FIGN: variants seen among roughly 807,000 people sequenced by gnomAD.
The protein encoded by FIGN is fidgetin.
In FIGN, 11 loss-of-function variants were observed where a neutral mutation model predicts 51.3. The observed-to-expected ratio is 0.21, with a 90% CI of 0.13 to 0.35. The LOEUF (loss-of-function observed/expected upper bound fraction) is 0.35. FIGN is among the 10% of genes least tolerant of loss of function. The pLI is 1.00. For synonymous variants in FIGN, 407 were observed against 363.2 expected (o/e 1.12, Z -1.37); for missense variants, 857 against 943.6 (o/e 0.91, Z 1.20).
At chr2:163,724,425 A>G (rs890044829) in intron 2 of FIGN, among the ~76,000 whole-genome samples, 1 of 152,120 alleles carries the variant, frequency 6.6e-6, no homozygotes, top group Non-Finnish European at 1.5e-5. Context: ...GATATATATA[A>G]ATGTTTGGTT....
At chr2:163,708,425 C>T (rs1358731874) in intron 2 of FIGN, among the ~76,000 whole-genome samples, 7 of 152,082 alleles carry the variant, frequency 4.6e-5, no homozygotes, top group East Asian at 3.9e-4. Context: ...CAAGCACTAA[C>T]GGAGGAGGTC....
intron 2 of FIGN, among the ~76,000 whole-genome samples, chr2:163,633,542 T>C (rs1683180338): frequency 6.6e-6 from 1 of 152,198 alleles, no homozygotes; most frequent in African/African-American, 2.4e-5. Flanking sequence ...TTCAGGGATA[T>C]TGCTGCCTAG....
intron 2 of FIGN, among the ~76,000 whole-genome samples, chr2:163,711,204 T>C (rs1684583389): frequency 6.6e-6 from 1 of 152,182 alleles, no homozygotes; most frequent in African/African-American, 2.4e-5. Context: ...TCTAATTGTG[T>C]TTAATACAGT....
intron 2 of FIGN, among the ~76,000 whole-genome samples, chr2:163,732,585 A>C (rs752795232): frequency 5.9e-4 from 90 of 152,350 alleles, no homozygotes; most frequent in Admixed American, 2.2e-3. Flanking sequence ...GTATATTCTA[A>C]CAATCATCAA....
chr2:163,627,618 A>G (rs745999034), intron 2 of FIGN, among the ~76,000 whole-genome samples: 8 of 152,140 alleles, frequency 5.3e-5, no homozygotes, highest in Non-Finnish European at 1.0e-4. Context: ...CTCAAAATGA[A>G]TTAGAGCTTA....
intron 2 of FIGN, among the ~76,000 whole-genome samples, chr2:163,717,886 T>C (rs761135736): frequency 1.3e-5 from 2 of 152,148 alleles, no homozygotes; most frequent in Non-Finnish European, 2.9e-5. Flanking sequence ...TTTCTTGAAA[T>C]GTAAATGAAT....
At chr2:163,692,226 A>C (rs1684249693) in intron 2 of FIGN, among the ~76,000 whole-genome samples, 1 of 152,190 alleles carries the variant, frequency 6.6e-6, no homozygotes, top group South Asian at 2.1e-4. Flanking sequence ...ACATAGGAAC[A>C]TGATTCAGTA....
chr2:163,686,457 T>C (rs1166182495), intron 2 of FIGN, among the ~76,000 whole-genome samples: 3 of 152,184 alleles, frequency 2.0e-5, no homozygotes, highest in African/African-American at 7.2e-5. Flanking sequence ...AAAGTGGTAC[T>C]TTGATGAGCA....
chr2:163,612,490 C>G (rs1483383667), intron 2 of FIGN: 2 of 985,174 alleles, frequency 2.0e-6, no homozygotes, highest in Non-Finnish European at 2.4e-6. Context: ...AGCAATCTCC[C>G]AGGCAGCGCT....
At chr2:163,697,830 G>A (rs1426014572) in intron 2 of FIGN, among the ~76,000 whole-genome samples, 1 of 152,136 alleles carries the variant, frequency 6.6e-6, no homozygotes, top group Non-Finnish European at 1.5e-5. Context: ...TATACCATAG[G>A]TAAAGCACAT....
intron 2 of FIGN, among the ~76,000 whole-genome samples, chr2:163,726,152 A>AT (rs1684835158): frequency 6.6e-6 from 1 of 152,082 alleles, no homozygotes; most frequent in Admixed American, 6.6e-5. Context: ...AGCTGGTAAT[A>AT]TTTTTTCCTT....
chr2:163,616,641 T>C (rs984500396), intron 2 of FIGN, among the ~76,000 whole-genome samples: 11 of 152,138 alleles, frequency 7.2e-5, no homozygotes, highest in Admixed American at 4.6e-4. Flanking sequence ...ATGACAACAT[T>C]ACTACACCTA....
chr2:163,730,785 T>C (rs772618107), intron 2 of FIGN, among the ~76,000 whole-genome samples: 1 of 152,204 alleles, frequency 6.6e-6, no homozygotes, highest in African/African-American at 2.4e-5. Flanking sequence ...CAGTAGCATA[T>C]GTCAATATTT....
intron 2 of FIGN, among the ~76,000 whole-genome samples, chr2:163,664,203 G>A (rs906088861): frequency 1.5e-4 from 23 of 152,246 alleles, no homozygotes; most frequent in African/African-American, 5.3e-4. Context: ...TAGACTTGAA[G>A]TCCCTCCTAC....
intron 2 of FIGN, among the ~76,000 whole-genome samples, chr2:163,620,446 A>C (rs1406628539): frequency 6.6e-6 from 1 of 152,076 alleles, no homozygotes; most frequent in African/African-American, 2.4e-5. Flanking sequence ...TGCAGTATCA[A>C]CCCTCTTATG....
intron 2 of FIGN, among the ~76,000 whole-genome samples, chr2:163,704,399 C>T (rs1181391052): frequency 2.0e-5 from 3 of 152,056 alleles, no homozygotes; most frequent in Admixed American, 6.6e-5. Context: ...GAACATGGAG[C>T]GTAATTGTCA....
At chr2:163,728,157 A>G (rs531672605) in intron 2 of FIGN, among the ~76,000 whole-genome samples, 7 of 152,174 alleles carry the variant, frequency 4.6e-5, no homozygotes, top group Non-Finnish European at 7.4e-5. Context: ...TAACAAGGTT[A>G]TTTGGGGGTC....
chr2:163,675,516 A>AG (rs1683943172), intron 2 of FIGN, among the ~76,000 whole-genome samples: 2 of 152,194 alleles, frequency 1.3e-5, no homozygotes, highest in Non-Finnish European at 2.9e-5. Context: ...GTTGTAGCCC[A>AG]ACAATCTGTA....
At chr2:163,686,748 G>A (rs2105342549) in intron 2 of FIGN, among the ~76,000 whole-genome samples, 1 of 144,076 alleles carries the variant, frequency 6.9e-6, no homozygotes, top group South Asian at 2.2e-4. Context: ...CTGTGTTTAT[G>A]TATGTATGTG....
Sources: allele counts gnomAD v4.1 joint callset (sites outside exome capture counted in the v4.1 genomes callset), GRCh38; gene constraint gnomAD v4.1.1; transcripts MANE v1.5; gene names NCBI Gene and HGNC (gene_info 2026-07-23, HGNC 2026-07-21).